RPS6KA2: variants seen among roughly 807,000 people sequenced by gnomAD.
RPS6KA2 encodes the protein ribosomal protein S6 kinase A2, also known as ribosomal protein S6 kinase alpha-2.
RPS6KA2 carries 42 observed loss-of-function variants against 91.8 expected under a neutral mutation model. The observed-to-expected ratio is 0.46, with a 90% confidence interval of 0.36 to 0.59. The LOEUF (loss-of-function observed/expected upper bound fraction) is 0.59, where lower values mean the gene tolerates loss of function less well. Among genes scored for constraint, RPS6KA2 ranks in the 20% least tolerant of loss-of-function variants. RPS6KA2 has a pLI of 0.00. For synonymous variants in RPS6KA2, 414 were observed against 393.6 expected (o/e 1.05, Z -0.61); for missense variants, 798 against 978.5 (o/e 0.82, Z 2.46).
At chr6:166,474,560 G>A (rs1431369790) in intron 10 of RPS6KA2, among the ~76,000 whole-genome samples, 1 of 152,146 alleles carries the variant, frequency 6.6e-6, no homozygotes, top group East Asian at 1.9e-4. Flanking sequence ...TTGGAAAAAA[G>A]GAAGATTTGG....
At position 166,770,898 on chromosome 6, in the gene RPS6KA2, C is replaced by T. The variant is rs374287327; in HGVS notation, c.123+87302G>A. 3 of 1,597,282 alleles carry T rather than the reference C, an allele frequency of 1.9e-6. No homozygotes were observed. The highest frequency in any genetic ancestry group is 2.5e-6 in the Non-Finnish European group (3 of 1,179,610). On this transcript the variant is annotated intron_variant, in intron 2 of 21. Coordinates refer to the RPS6KA2 transcript ENST00000503859. This position sits in a 1 kb window ranked among gnomAD's most constrained non-coding sequence, Gnocchi z 5.1. Reference sequence around the variant, plus strand: ...CCAGCTACCTTTGTCTTGCAGGCAGCTGAGTCACTTTTGCCCTGTGAAAAT... The same window carrying T: ...CCAGCTACCTTTGTCTTGCAGGCAGTTGAGTCACTTTTGCCCTGTGAAAAT...
At chr6:166,756,715 G>A (rs1778019670) in intron 2 of RPS6KA2, among the ~76,000 whole-genome samples, 4 of 152,010 alleles carry the variant, frequency 2.6e-5, no homozygotes, top group African/African-American at 4.8e-5. Flanking sequence ...GCATGGTGGC[G>A]CATGCCTGTA....
intron 2 of RPS6KA2, among the ~76,000 whole-genome samples, chr6:166,743,126 C>T (rs1445233853): frequency 6.6e-6 from 1 of 152,248 alleles, no homozygotes; most frequent in Non-Finnish European, 1.5e-5. Flanking sequence ...TCTCTAGCAA[C>T]TGGCCCAAGA....
chr6:166,525,628 C>G (rs1199408694), intron 3 of RPS6KA2, among the ~76,000 whole-genome samples: 1 of 152,218 alleles, frequency 6.6e-6, no homozygotes, highest in Admixed American at 6.5e-5. Context: ...TTTGGAGAAA[C>G]AAGCTGGAGT....
intron 2 of RPS6KA2, among the ~76,000 whole-genome samples, chr6:166,744,294 G>A (rs1278265261): frequency 6.6e-6 from 1 of 152,192 alleles, no homozygotes; most frequent in Admixed American, 6.5e-5. Context: ...CCAACTGGGA[G>A]GCAAAGGCAC....
chr6:166,588,677 C>T (rs533191955), intron 1 of RPS6KA2, among the ~76,000 whole-genome samples: 14 of 152,340 alleles, frequency 9.2e-5, no homozygotes, highest in African/African-American at 3.4e-4. Context: ...CGTCTGATCT[C>T]AACTCCAGAA....
intron 2 of RPS6KA2, among the ~76,000 whole-genome samples, chr6:166,664,317 G>T (rs536765708): frequency 6.6e-6 from 1 of 152,324 alleles, no homozygotes; most frequent in South Asian, 2.1e-4. Context: ...CTGGAACGCT[G>T]CTCCACGGGA....
At chr6:166,776,625 C>T (rs1770756309) in intron 2 of RPS6KA2, among the ~76,000 whole-genome samples, 1 of 152,202 alleles carries the variant, frequency 6.6e-6, no homozygotes, top group Admixed American at 6.5e-5. Context: ...GTGGGTTCAC[C>T]TGCTCTGGGC....
intron 2 of RPS6KA2, among the ~76,000 whole-genome samples, chr6:166,813,172 G>A (rs1249320518): frequency 6.6e-6 from 1 of 152,014 alleles, no homozygotes; most frequent in South Asian, 2.1e-4. Context: ...ATCACACATG[G>A]GGGAGGTAGG....
At chr6:166,729,575 C>T (rs757602993) in intron 2 of RPS6KA2, among the ~76,000 whole-genome samples, 2 of 152,194 alleles carry the variant, frequency 1.3e-5, no homozygotes, top group Non-Finnish European at 2.9e-5. Context: ...CTCCTGGGCT[C>T]GAGCAGTCTG....
At chr6:166,541,275 G>C (rs945090425) in intron 1 of RPS6KA2, among the ~76,000 whole-genome samples, 1 of 152,256 alleles carries the variant, frequency 6.6e-6, no homozygotes, top group Non-Finnish European at 1.5e-5. Context: ...GGGCAGGCGA[G>C]GCACGAGCTG....
intron 2 of RPS6KA2, among the ~76,000 whole-genome samples, chr6:166,680,997 C>G (rs1171814053): frequency 6.6e-6 from 1 of 152,216 alleles, no homozygotes; most frequent in Admixed American, 6.5e-5. Flanking sequence ...GAGGACTGCT[C>G]TTTTTTAACA....
At chr6:166,747,250 C>T (rs959860868) in intron 2 of RPS6KA2, among the ~76,000 whole-genome samples, 2 of 152,142 alleles carry the variant, frequency 1.3e-5, no homozygotes, top group Admixed American at 6.5e-5. Context: ...CTCAGGGGCC[C>T]TCAGCCACCA....
intron 1 of RPS6KA2, among the ~76,000 whole-genome samples, chr6:166,598,371 T>A (rs977390639): frequency 1.3e-5 from 2 of 152,216 alleles, no homozygotes; most frequent in Admixed American, 1.3e-4. Context: ...GGCATTTATG[T>A]TCTTACAGGA....
At position 166,792,770 on chromosome 6, in the gene RPS6KA2, T is replaced by G. The variant is rs374638443; in HGVS notation, c.123+65430A>C. 1.6e-4 allele frequency among the ~76,000 whole-genome samples: 24 copies of G among 152,326 alleles called. No individual in the cohort carries two copies. In the East Asian group the frequency reaches 4.4e-3, roughly 28 times the overall value. ...GACAAAAACCACATGATTATCTCAA[T>G]AGATGCAGAAAAGGCCTTTGACAAA... On this transcript the variant is annotated intron_variant, in intron 2 of 21. Coordinates refer to the RPS6KA2 transcript ENST00000503859.
At chr6:166,697,892 G>A (rs533713633) in intron 2 of RPS6KA2, among the ~76,000 whole-genome samples, 2 of 152,314 alleles carry the variant, frequency 1.3e-5, no homozygotes, top group African/African-American at 4.8e-5. Context: ...CCCAGAAAAT[G>A]AGGCAGGATC....
intron 3 of RPS6KA2, among the ~76,000 whole-genome samples, chr6:166,526,971 T>C (rs1205226501): frequency 6.6e-6 from 1 of 152,244 alleles, no homozygotes; most frequent in Non-Finnish European, 1.5e-5. Flanking sequence ...GTCCAGCCTA[T>C]TCCACATAAC....
rs1471948424 is a variant in RPS6KA2 at position 166,433,235 on chromosome 6, CT to C, written c.1333-746del. Among the ~76,000 whole-genome samples the C allele has an allele frequency of 6.6e-6, 1 of 152,162 alleles. No individual in the cohort carries two copies. The highest frequency in any genetic ancestry group is 6.5e-5 in the Admixed American group (1 of 15,286). ...GGCGCATGGCTCTCACCAAGAGATG[CT>C]GGGGATGGTGCGCAGGCCAGACCTG... On this transcript the variant is annotated intron_variant, in intron 14 of 20. Transcript: ENST00000265678. The surrounding 1 kb of genome is among the most constrained non-coding windows in gnomAD (Gnocchi z 4.4).
intron 1 of RPS6KA2, among the ~76,000 whole-genome samples, chr6:166,615,592 C>T (rs563620568): frequency 2.6e-5 from 4 of 152,308 alleles, no homozygotes; most frequent in East Asian, 1.9e-4. Flanking sequence ...CACAAACCTG[C>T]GGCGCACAGG....
Sources: allele counts gnomAD v4.1 joint callset (sites outside exome capture counted in the v4.1 genomes callset), GRCh38; gene constraint gnomAD v4.1.1; non-coding constraint Gnocchi (gnomAD v3.1); transcripts MANE v1.5; gene names NCBI Gene and HGNC (gene_info 2026-07-23, HGNC 2026-07-21).